TRMT2B: variants seen among roughly 807,000 people sequenced by gnomAD.
The protein encoded by TRMT2B is tRNA (uracil-5-)-methyltransferase homolog B.
Under a neutral mutation model 39.7 loss-of-function variants are expected in TRMT2B, and 34 were observed. The observed-to-expected ratio is 0.86, with a 90% CI of 0.65 to 1.14. The LOEUF (loss-of-function observed/expected upper bound fraction) is 1.14. Among genes scored for constraint, TRMT2B ranks in the 50% most tolerant of loss-of-function variants. The pLI, the probability that TRMT2B is intolerant of heterozygous loss-of-function variation, is 0.00. For missense variants in TRMT2B, 318 were observed against 377.2 expected (o/e 0.84, Z 1.30); for synonymous variants, 132 against 137.3 (o/e 0.96, Z 0.27).
chrX:101,041,125 A>C (rs2088209607), intron 4 of TRMT2B, among the ~76,000 whole-genome samples, 192 bp downstream of exon 4: 1 of 111,295 alleles, frequency 9.0e-6, no homozygotes, highest in Non-Finnish European at 1.9e-5. Flanking sequence ...AATTGCTTGA[A>C]CCTGGGAGGT....
chrX:100,976,096 TAGC>T, the TRMT2B span, among the ~76,000 whole-genome samples: 2 of 110,703 alleles, frequency 1.8e-5, no homozygotes, highest in African/African-American at 6.6e-5. Flanking sequence ...AGAAGGTAAA[TAGC>T]AGCAGGAAAA....
chrX:101,002,603 A>C, the TRMT2B span, among the ~76,000 whole-genome samples: 1 of 110,885 alleles, frequency 9.0e-6, no homozygotes, highest in Admixed American at 9.7e-5. Context: ...AACATGGTGA[A>C]ATCCCATCTC....
At chrX:101,032,926 T>C (rs1040463834) in intron 7 of TRMT2B, among the ~76,000 whole-genome samples, 2 of 110,545 alleles carry the variant, frequency 1.8e-5, no homozygotes, top group African/African-American at 3.3e-5. Context: ...ATGGAAAATA[T>C]TGATGAATAT....
the TRMT2B span, chrX:100,987,378 C>G: frequency 8.3e-7 from 1 of 1,208,562 alleles, no homozygotes; most frequent in South Asian, 1.8e-5. Flanking sequence ...CTTCTCTTCT[C>G]TTTTGTCACA....
At chrX:101,047,634 C>T (rs933838868) in intron 2 of TRMT2B, among the ~76,000 whole-genome samples, 4 of 109,275 alleles carry the variant, frequency 3.7e-5, no homozygotes, top group African/African-American at 1.3e-4. Flanking sequence ...GAGTTCGAGA[C>T]CAGCCTAGCC....
At chrX:100,974,366 GTCTC>G in the TRMT2B span, among the ~76,000 whole-genome samples, 503 of 103,562 alleles carry the variant, frequency 4.9e-3, 3 homozygotes, top group African/African-American at 0.014. Flanking sequence ...ATCTCTCTCT[GTCTC>G]TCTCTCTCTC....
chrX:101,026,225 T>A (rs375118893), intron 7 of TRMT2B, among the ~76,000 whole-genome samples: 1 of 110,806 alleles, frequency 9.0e-6, no homozygotes, highest in Admixed American at 9.7e-5. Flanking sequence ...ATAATCCCAG[T>A]ATTCTGGGAG....
In TRMT2B at chrX:101,051,691, C is replaced by T. The variant is rs2089109293; in HGVS notation, c.-464G>A. ...CCGTCTCCAGCCCCGCCTGCCTCCT[C>T]CATTCCCCGCCCCGCGGACAGTTTG... is the stretch of plus-strand genomic sequence containing the variant. On this transcript the variant is annotated 5_prime_UTR_variant, in exon 2 of 14. An upstream open reading frame in the 5' UTR gains an earlier in-frame stop. Coordinates refer to ENST00000372936, the MANE Select transcript of TRMT2B (RefSeq NM_024917.6). 1 of 753,946 alleles carries T rather than the reference C, an allele frequency of 1.3e-6. No homozygotes were observed. Among genetic ancestry groups the T allele is most frequent in the South Asian group, 6.8e-5 (1 of 14,813 alleles). 62.1% of individuals were successfully genotyped at this position (753,946 alleles called of 1,213,427 possible).
chrX:101,021,551 C>T (rs753789672), intron 9 of TRMT2B, among the ~76,000 whole-genome samples: 26 of 111,344 alleles, frequency 2.3e-4, no homozygotes, highest in Non-Finnish European at 4.0e-4. Flanking sequence ...GTCACTTGAA[C>T]TCGGGAGGCA....
At chrX:100,978,908 A>AT in the TRMT2B span, among the ~76,000 whole-genome samples, 36 of 108,849 alleles carry the variant, frequency 3.3e-4, no homozygotes, top group Non-Finnish European at 4.8e-4. Context: ...CTTATAACCC[A>AT]TTTTTTTTTA....
In TRMT2B at chrX:101,051,937, G is replaced by A. The variant is rs1327974535; in HGVS notation, c.-627C>T. The A allele has an allele frequency of 8.4e-6, 1 of 118,775 alleles. No homozygotes were observed. Among genetic ancestry groups the A allele is most frequent in the East Asian group, 2.8e-4 (1 of 3,533 alleles). The allele number at this position is 118,775 out of a possible 1,213,427, so 9.8% of individuals were successfully genotyped here. On this transcript the variant is annotated 5_prime_UTR_variant, in exon 1 of 14. Coordinates refer to ENST00000372936, the MANE Select transcript of TRMT2B (RefSeq NM_024917.6). ...CACGCGCAGCCAACCCTTGGCAAGC[G>A]CGGCGGGACACGGGGCTCCTCCCAG... is the stretch of plus-strand genomic sequence containing the variant.
rs750481200 is a variant in TRMT2B at position 101,035,536 on chromosome X, A to G, written c.609+77T>C. The G allele has an allele frequency of 1.6e-4, 150 of 929,127 alleles. No homozygotes were observed. In the African/African-American group the frequency reaches 2.5e-3, roughly 16 times the overall value. The allele number at this position is 929,127 out of a possible 1,213,427, so 76.6% of individuals were successfully genotyped here. The stretch of plus-strand genomic sequence containing the variant: ...CTCTAGCACTAGAATTGGCTCTATT[A>G]TCAAAATGTCAGGGATGTTGCTGTT... On this transcript the variant is annotated intron_variant, in intron 7 of 13. Transcript: ENST00000372936.
intron 13 of TRMT2B, among the ~76,000 whole-genome samples, chrX:101,013,219 T>A (rs2086346368): frequency 8.9e-6 from 1 of 111,798 alleles, no homozygotes; most frequent in Non-Finnish European, 1.9e-5. Flanking sequence ...AATAGCATTA[T>A]CCCATTATAA....
intron 7 of TRMT2B, 74 bp from the exon 8 acceptor site, chrX:101,023,690 G>A (rs893475524): frequency 9.5e-7 from 1 of 1,057,879 alleles, no homozygotes; most frequent in African/African-American, 1.8e-5. Flanking sequence ...CTAGGTGATT[G>A]TTTGTGTTAC....
At chrX:101,030,454 C>CTTTTTTTTTTTTTTTTTTTTT (rs1331923176) in intron 7 of TRMT2B, among the ~76,000 whole-genome samples, 4 of 71,863 alleles carry the variant, frequency 5.6e-5, no homozygotes, top group African/African-American at 6.6e-5. Context: ...GATCTGCATT[C>CTTTTTTTTTTTTTTTTTTTTT]TTTTTTTTTT....
chrX:100,998,852 C>T, the TRMT2B span, among the ~76,000 whole-genome samples: 1 of 111,103 alleles, frequency 9.0e-6, no homozygotes, highest in African/African-American at 3.3e-5. Flanking sequence ...TATCTAAGCA[C>T]CTGCCATATT....
chrX:100,980,707 G>A, the TRMT2B span, among the ~76,000 whole-genome samples: 7 of 111,900 alleles, frequency 6.3e-5, no homozygotes, highest in Non-Finnish European at 1.1e-4. Flanking sequence ...CACACCTGAA[G>A]CCAGCACAAT....
the TRMT2B span, among the ~76,000 whole-genome samples, chrX:101,000,804 AATG>A: frequency 9.0e-6 from 1 of 111,563 alleles, no homozygotes; most frequent in African/African-American, 3.3e-5. Context: ...CTTTTAAAAT[AATG>A]ATGATAGGGC....
Position 101,009,966 on chromosome X carries a change from T to G in TRMT2B, c.*615A>C, listed in dbSNP as rs187260016. On this transcript the variant is annotated 3_prime_UTR_variant, in exon 14 of 14. Coordinates refer to ENST00000372936, the MANE Select transcript of TRMT2B (RefSeq NM_024917.6). ...TTACCAGCTGCTTAAAAAAGGTCATTTGTCCACACCATAAGCAGAAACGGA... is the reference window on the plus strand; with the variant it reads ...TTACCAGCTGCTTAAAAAAGGTCATGTGTCCACACCATAAGCAGAAACGGA... 1.8e-5 allele frequency: 2 copies of G among 110,276 alleles called. No homozygotes were observed. The highest frequency in any genetic ancestry group is 5.7e-4 in the East Asian group (2 of 3,513). The allele number at this position is 110,276 out of a possible 1,213,427, so 9.1% of individuals were successfully genotyped here.
Sources: gnomAD v4.1 joint callset for allele counts (sites outside exome capture counted in the v4.1 genomes callset) on GRCh38, gnomAD v4.1.1 for gene constraint, MANE v1.5 for transcripts, NCBI Gene and HGNC (gene_info 2026-07-23, HGNC 2026-07-21) for gene names.